Variants in SLC12A5 observed in about 807,000 individuals in gnomAD.
SLC12A5 encodes the protein solute carrier family 12 member 5, also known as K-Cl cotransporter 2.
SLC12A5 carries 18 observed loss-of-function variants against 124.0 expected under a neutral mutation model. That is an observed-to-expected ratio of 0.15 (90% CI 0.10 to 0.22). The LOEUF (loss-of-function observed/expected upper bound fraction) is 0.22. Among genes scored for constraint, SLC12A5 ranks in the 10% least tolerant of loss-of-function variants. The pLI, the probability that SLC12A5 is intolerant of heterozygous loss-of-function variation, is 1.00. For synonymous variants in SLC12A5, 589 were observed against 568.0 expected, an observed-to-expected ratio of 1.04 and a Z score of -0.53; for missense variants, 867 against 1,478.7, an observed-to-expected ratio of 0.59 and a Z score of 6.78.
At chr20:46,029,760 C>G (rs1334905836) in intron 1 of SLC12A5, among the ~76,000 whole-genome samples, 1 of 152,108 alleles carries the variant, frequency 6.6e-6, no homozygotes, top group Admixed American at 6.5e-5. Context: ...GGGACCCCGG[C>G]GTCCTGGCGC....
Position 46,029,304 on chromosome 20 carries a change from G to T in SLC12A5, c.-41G>T. 6.6e-7 allele frequency: 1 copy of T among 1,518,850 alleles called. No individual in the cohort carries two copies. The highest frequency in any genetic ancestry group is 1.3e-5 in the South Asian group (1 of 78,452). 94.1% of individuals were successfully genotyped at this position (1,518,850 alleles called of 1,614,324 possible). A position where few individuals can be genotyped will look rare whatever the true frequency, so the allele number is the denominator to read the frequency against. On this transcript the variant is annotated 5_prime_UTR_variant, in exon 1 of 26. In the 5' UTR this introduces an upstream ATG that the reference lacks. Coordinates refer to ENST00000243964, the MANE Select transcript of SLC12A5 (RefSeq NM_020708.5). ...AAGGCGGGTAGAGGGGCGCGGGCGA[G>T]GCGGCGCAGCCATCCCCGGACCAGG...
At chr20:46,041,570 G>C in intron 8 of SLC12A5, 30 bp downstream of exon 8, 1 of 1,610,604 alleles carries the variant, frequency 6.2e-7, no homozygotes, top group Non-Finnish European at 8.5e-7. Flanking sequence ...CTGGCATCCA[G>C]GGAACGCTGC....
intron 1 of SLC12A5, among the ~76,000 whole-genome samples, chr20:46,032,320 G>C (rs1225869162): frequency 6.6e-6 from 1 of 152,220 alleles, no homozygotes; most frequent in Non-Finnish European, 1.5e-5. Context: ...CTTGGGAGGG[G>C]GTGTGAAAGG....
intron 17 of SLC12A5, among the ~76,000 whole-genome samples, 196 bp from the exon 18 acceptor site, chr20:46,051,479 G>T (rs1457251180): frequency 6.6e-6 from 1 of 152,132 alleles, no homozygotes; most frequent in Non-Finnish European, 1.5e-5. Context: ...AGCCTTGATT[G>T]ATCAAGAAGG....
chr20:46,054,096 C>T (rs544988264), intron 20 of SLC12A5, among the ~76,000 whole-genome samples: 1 of 152,276 alleles, frequency 6.6e-6, no homozygotes, highest in South Asian at 2.1e-4. Context: ...GTTGTGTGAA[C>T]ATCATAGAGT....
rs1272932804 is a variant in SLC12A5, at chr20:46,021,905, G to T, written c.48+19G>T. The T allele has an allele frequency of 2.0e-6, 3 of 1,510,356 alleles. No individual in the cohort carries two copies. In the African/African-American group the frequency reaches 4.3e-5, roughly 21 times the overall value. 93.6% of individuals were successfully genotyped at this position (1,510,356 alleles called of 1,614,324 possible). A position where few individuals can be genotyped will look rare whatever the true frequency, so the allele number is the denominator to read the frequency against. On this transcript the variant is annotated intron_variant, in intron 1 of 2. Transcript: ENST00000413737. ...GTCAAAGGTAGAGGCCGCAGGGGGC[G>T]GGGCCTGCCAGGGCCGGGCGGGACG...
chr20:46,049,054 G>A (rs942405443), intron 16 of SLC12A5, among the ~76,000 whole-genome samples: 6 of 152,140 alleles, frequency 3.9e-5, no homozygotes, highest in Non-Finnish European at 8.8e-5. Flanking sequence ...TTAGGGCATT[G>A]TTGACTTGTC....
rs1034065684 is a variant in SLC12A5, at chr20:46,059,054, C to G, written c.*1449C>G. On this transcript the variant is annotated 3_prime_UTR_variant, in exon 26 of 26. Coordinates refer to ENST00000243964, the MANE Select transcript of SLC12A5 (RefSeq NM_020708.5). ...GGCCCTTCCGCTCCACCAGCCTGGTCTGAGGCGTGCTCTGTCCTTAGAGAA... is the reference window on the plus strand; with the variant it reads ...GGCCCTTCCGCTCCACCAGCCTGGTGTGAGGCGTGCTCTGTCCTTAGAGAA... 1.0e-4 allele frequency: 28 copies of G among 276,468 alleles called. 1 individual carries two copies. The Admixed American group carries it at 1.2e-3, about 12-fold the overall frequency. 17.1% of individuals were successfully genotyped at this position (276,468 alleles called of 1,614,324 possible).
rs1210104106 is a variant in SLC12A5, at chr20:46,043,655, C to T, written c.1260C>T (p.Arg420=). ...SVTGIMAGSN[R]SGDLRDAQKS... is the part of the protein sequence containing the mutation. ...CAGGGATCATGGCTGGTTCTAACCGCTCTGGGGACCTGAGGGATGCCCAGA... is the reference window on the plus strand; with the variant it reads ...CAGGGATCATGGCTGGTTCTAACCGTTCTGGGGACCTGAGGGATGCCCAGA... Residue 420 remains arginine, a synonymous_variant, in exon 10 of 26, where the codon CGC becomes CGT. Transcript: ENST00000243964. 1 of 1,614,218 alleles carries T rather than the reference C, an allele frequency of 6.2e-7. No individual in the cohort carries two copies.
At chr20:46,047,029 G>A (rs755557261) in intron 14 of SLC12A5, among the ~76,000 whole-genome samples, 7 of 152,226 alleles carry the variant, frequency 4.6e-5, no homozygotes, top group Non-Finnish European at 7.3e-5. Flanking sequence ...ACCGGCCCAA[G>A]GTCCCCCAGC....
chr20:46,049,501 AT>A lies in SLC12A5; in HGVS notation c.2013-120del, dbSNP rs1335071677. 2.4e-6 allele frequency: 3 copies of A among 1,240,770 alleles called. No individual in the cohort carries two copies. In the African/African-American group the frequency reaches 4.5e-5, roughly 18 times the overall value. 76.9% of individuals were successfully genotyped at this position (1,240,770 alleles called of 1,614,324 possible). A position where few individuals can be genotyped will look rare whatever the true frequency, so the allele number is the denominator to read the frequency against. ...GATGAATGGATGGGTGGTGAGGGGTATAGGTGGATGGGACAGATGGTTATAG... is the reference window on the plus strand; with the variant it reads ...GATGAATGGATGGGTGGTGAGGGGTAAGGTGGATGGGACAGATGGTTATAG... On this transcript the variant is annotated intron_variant, in intron 16 of 25. Coordinates refer to ENST00000243964, the MANE Select transcript of SLC12A5 (RefSeq NM_020708.5).
At chr20:46,046,872 G>A (rs2084600420) in intron 14 of SLC12A5, among the ~76,000 whole-genome samples, 1 of 152,228 alleles carries the variant, frequency 6.6e-6, no homozygotes, top group Admixed American at 6.5e-5. Context: ...ACAGTACATG[G>A]CAGATGCTCA....
At chr20:46,054,889 C>A (rs751510624) in intron 20 of SLC12A5, 27 bp from the exon 21 acceptor site, 12 of 1,582,020 alleles carry the variant, frequency 7.6e-6, no homozygotes, top group South Asian at 1.1e-5. Context: ...TCCCCACCCC[C>A]CAACCCCAAC....
At chr20:46,027,270 A>G (rs563596998), upstream of SLC12A5, among the ~76,000 whole-genome samples, 5 of 152,136 alleles carry the variant, frequency 3.3e-5, no homozygotes, top group African/African-American at 1.2e-4. Flanking sequence ...CTGAATAGCT[A>G]ACTCTCCACC....
intron 6 of SLC12A5, among the ~76,000 whole-genome samples, chr20:46,038,943 C>T (rs1229215716): frequency 6.6e-6 from 1 of 152,174 alleles, no homozygotes; most frequent in African/African-American, 2.4e-5. Context: ...AATAGACCTC[C>T]ATGACTTCTA....
upstream of SLC12A5, chr20:46,027,831 A>T (rs1298349468): frequency 6.6e-6 from 1 of 152,226 alleles, no homozygotes; most frequent in Admixed American, 6.5e-5. Context: ...TTATGTCCAC[A>T]GGCAGTCATT....
At chr20:46,039,308 A>G (rs747639438) in intron 6 of SLC12A5, among the ~76,000 whole-genome samples, 1 of 152,262 alleles carries the variant, frequency 6.6e-6, no homozygotes, top group Non-Finnish European at 1.5e-5. Context: ...AGGGAAAACT[A>G]CTGACAACAT....
intron 7 of SLC12A5, chr20:46,040,832 G>A (rs2084539411): frequency 1.5e-6 from 1 of 658,188 alleles, no homozygotes; most frequent in African/African-American, 1.8e-5. Context: ...CCTTGTAAGA[G>A]TCAACTTCTT....
chr20:46,053,768 G>A lies in SLC12A5; in HGVS notation c.2679+59G>A. On this transcript the variant is annotated intron_variant, in intron 20 of 25. Transcript: ENST00000243964. The surrounding 1 kb of genome is among the most constrained non-coding windows in gnomAD (Gnocchi z 4.7). ...CTGGCCCTCTTTCCTCTTGGCCCCAGCACCAAGTAGGGCAACTCTAACACC... is the reference window on the plus strand; with the variant it reads ...CTGGCCCTCTTTCCTCTTGGCCCCAACACCAAGTAGGGCAACTCTAACACC... The A allele has an allele frequency of 1.3e-6, 2 of 1,502,076 alleles. No homozygotes were observed. Among genetic ancestry groups the A allele is most frequent in the South Asian group, 2.6e-5 (2 of 76,548 alleles). The allele number at this position is 1,502,076 out of a possible 1,614,324, so 93.0% of individuals were successfully genotyped here. A position where few individuals can be genotyped will look rare whatever the true frequency, so the allele number is the denominator to read the frequency against.
Sources: gnomAD v4.1 joint callset for allele counts (sites outside exome capture counted in the v4.1 genomes callset) on GRCh38, gnomAD v4.1.1 for gene constraint, Gnocchi (gnomAD v3.1) non-coding constraint, MANE v1.5 for transcripts, NCBI Gene and HGNC (gene_info 2026-07-23, HGNC 2026-07-21) for gene names.